Variants in PLCB1 observed in about 807,000 individuals in gnomAD.
PLCB1 encodes 1-phosphatidylinositol 4,5-bisphosphate phosphodiesterase beta-1.
In PLCB1, 46 loss-of-function variants were observed where a neutral mutation model predicts 161.8. That is an observed-to-expected ratio of 0.28 (90% CI 0.22 to 0.36). The LOEUF is 0.36. Ranked by LOEUF, PLCB1 falls within the 10% of genes least tolerant of loss-of-function variation. The pLI, the probability that PLCB1 is intolerant of heterozygous loss-of-function variation, is 1.00. For missense variants in PLCB1, 1,016 were observed against 1,472.5 expected (o/e 0.69, Z 5.07); for synonymous variants, 517 against 503.7 (o/e 1.03, Z -0.35).
intron 31 of PLCB1, among the ~76,000 whole-genome samples, chr20:8,868,818 G>C (rs775843312): frequency 1.3e-5 from 2 of 151,976 alleles, no homozygotes; most frequent in Admixed American, 6.5e-5. Flanking sequence ...ATTTTTAGTA[G>C]AGATGGGATT....
At chr20:8,381,598 T>C (rs546806009) in intron 3 of PLCB1, among the ~76,000 whole-genome samples, 87 of 152,372 alleles carry the variant, frequency 5.7e-4, no homozygotes, top group Non-Finnish European at 1.0e-3. Context: ...TGGTAGGCTA[T>C]TAATTACTGC....
intron 2 of PLCB1, among the ~76,000 whole-genome samples, chr20:8,291,678 G>A (rs987965408): frequency 6.6e-6 from 1 of 152,182 alleles, no homozygotes; most frequent in African/African-American, 2.4e-5. Context: ...AACAAAGGGT[G>A]TGCTCACCGT....
chr20:8,827,663 C>T (rs4816090), intron 31 of PLCB1, among the ~76,000 whole-genome samples: 45,863 of 152,198 alleles, frequency 0.3, 8,040 homozygotes, highest in East Asian at 0.61. Context: ...TCCACAATTA[C>T]GGACAGTTCT....
At chr20:8,503,074 A>G (rs905843246) in intron 3 of PLCB1, among the ~76,000 whole-genome samples, 2 of 152,162 alleles carry the variant, frequency 1.3e-5, no homozygotes, top group Non-Finnish European at 2.9e-5. Flanking sequence ...CTGGACAATG[A>G]TAGAATGAGA....
At chr20:8,693,673 A>G (rs1258124880) in intron 10 of PLCB1, among the ~76,000 whole-genome samples, 1 of 152,216 alleles carries the variant, frequency 6.6e-6, no homozygotes, top group Non-Finnish European at 1.5e-5. Flanking sequence ...AAATATGAAA[A>G]CAGGCAATTA....
intron 2 of PLCB1, among the ~76,000 whole-genome samples, chr20:8,334,926 A>G (rs146709959): frequency 3.3e-5 from 5 of 152,324 alleles, no homozygotes; most frequent in African/African-American, 1.2e-4. Flanking sequence ...AATTAGTCAA[A>G]GTTCAGACAT....
chr20:8,718,373 G>A (rs1311917540), intron 14 of PLCB1, among the ~76,000 whole-genome samples: 1 of 152,248 alleles, frequency 6.6e-6, no homozygotes, highest in South Asian at 2.1e-4. Flanking sequence ...TGTAAGTCAG[G>A]AAGCCCCCTG....
At position 8,657,296 on chromosome 20, in the gene PLCB1, C is replaced by T; in HGVS notation, c.695+12C>T. On this transcript the variant is annotated intron_variant, in intron 8 of 31. Coordinates refer to ENST00000338037, the MANE Select transcript of PLCB1 (RefSeq NM_015192.4). ...ATCTTTTCAGAATTGTAAGAGTACA[C>T]ATTTTAAGCCATATCTTTTTCAGCT... The T allele has an allele frequency of 4.1e-6, 6 of 1,446,876 alleles. No homozygotes were observed. The highest frequency in any genetic ancestry group is 5.8e-6 in the Non-Finnish European group (6 of 1,027,676). The allele number at this position is 1,446,876 out of a possible 1,614,324, so 89.6% of individuals were successfully genotyped here. A position where few individuals can be genotyped will look rare whatever the true frequency, so the allele number is the denominator to read the frequency against.
Position 8,132,322 on chromosome 20 carries a change from C to T in PLCB1, c.-330C>T, listed in dbSNP as rs532302075. 6.6e-3 allele frequency: 1,370 copies of T among 207,664 alleles called. 13 individuals are homozygous for T. Among genetic ancestry groups the T allele is most frequent in the Non-Finnish European group, 9.2e-3 (959 of 104,804 alleles). The allele number at this position is 207,664 out of a possible 1,614,324, so 12.9% of individuals were successfully genotyped here. A position where few individuals can be genotyped will look rare whatever the true frequency, so the allele number is the denominator to read the frequency against. The stretch of plus-strand genomic sequence containing the variant: ...TGCTGAATGGTGCGCTTTGAGGCGG[C>T]GGCGGCGGAGGAGCAGAATCCGCCG... On this transcript the variant is annotated 5_prime_UTR_variant, in exon 1 of 32. Coordinates refer to ENST00000338037, the MANE Select transcript of PLCB1 (RefSeq NM_015192.4). The surrounding 1 kb of genome is among the most constrained non-coding windows in gnomAD (Gnocchi z 5.2).
chr20:8,565,035 C>T (rs1600156688), intron 3 of PLCB1, among the ~76,000 whole-genome samples: 1 of 152,134 alleles, frequency 6.6e-6, no homozygotes, highest in Admixed American at 6.6e-5. Flanking sequence ...GACACATGCA[C>T]ATGTATGTTT....
At chr20:8,329,498 CTGTTTGTT>C (rs898051285) in intron 2 of PLCB1, among the ~76,000 whole-genome samples, 1 of 151,936 alleles carries the variant, frequency 6.6e-6, no homozygotes. Context: ...TTGGTTTTTT[CTGTTTGTT>C]TGTTTGTTTT....
rs759165981 is a variant in PLCB1 at position 8,657,176 on chromosome 20, T to C, written c.595-8T>C. ...ACCATTTGCTGACTCCGTTGTTTTATTTCCCAGAATGATTCAATACCTCAA... is the reference window on the plus strand; with the variant it reads ...ACCATTTGCTGACTCCGTTGTTTTACTTCCCAGAATGATTCAATACCTCAA... On this transcript the variant is annotated splice_polypyrimidine_tract_variant and splice_region_variant and intron_variant, in intron 7 of 31. Transcript: ENST00000338037. 6.4e-7 allele frequency: 1 copy of C among 1,550,406 alleles called. No homozygotes were observed. The highest frequency in any genetic ancestry group is 1.1e-5 in the South Asian group (1 of 89,528).
chr20:8,141,362 G>A (rs529457733), intron 1 of PLCB1, among the ~76,000 whole-genome samples: 58 of 152,196 alleles, frequency 3.8e-4, no homozygotes, highest in African/African-American at 1.3e-3. Flanking sequence ...AGTGGCTCAC[G>A]CCTGTAATCC....
chr20:8,649,791 A>G lies in PLCB1; in HGVS notation c.594+342A>G. On this transcript the variant is annotated intron_variant, in intron 7 of 31. Transcript: ENST00000338037. ...CAGCCTTTGTAACTGTAGGAAATAC[A>G]TTTTGATTCCTATATATTATACAGT... 7.0e-6 allele frequency: 2 copies of G among 287,576 alleles called. 1 individual carries two copies. The highest frequency in any genetic ancestry group is 2.2e-3 in the Middle Eastern group (2 of 926). 17.8% of individuals were successfully genotyped at this position (287,576 alleles called of 1,614,324 possible). A position where few individuals can be genotyped will look rare whatever the true frequency, so the allele number is the denominator to read the frequency against.
chr20:8,272,732 G>A lies in PLCB1; in HGVS notation c.178-98650G>A, dbSNP rs537718380. Among the ~76,000 whole-genome samples, 8 of 152,254 alleles carry A rather than the reference G, an allele frequency of 5.3e-5. No homozygotes were observed. In the East Asian group the frequency reaches 1.5e-3, roughly 29 times the overall value. ...GCACCAAATTTATCAGATATCAGAAGTGTAGTACCTTTTGCTTGTCTCAAA... is the reference window on the plus strand; with the variant it reads ...GCACCAAATTTATCAGATATCAGAAATGTAGTACCTTTTGCTTGTCTCAAA... On this transcript the variant is annotated intron_variant, in intron 2 of 31. Transcript: ENST00000338037.
chr20:8,454,030 A>G (rs1428936205), intron 3 of PLCB1, among the ~76,000 whole-genome samples: 2 of 152,154 alleles, frequency 1.3e-5, no homozygotes, highest in Admixed American at 6.5e-5. Flanking sequence ...GTGAGGAGAC[A>G]GGGGAAGGTG....
intron 2 of PLCB1, among the ~76,000 whole-genome samples, chr20:8,272,171 T>C (rs775667549): frequency 1.3e-5 from 2 of 151,894 alleles, no homozygotes; most frequent in Non-Finnish European, 2.9e-5. Context: ...GAATTGTGTC[T>C]AAGGAAAACG....
intron 2 of PLCB1, among the ~76,000 whole-genome samples, chr20:8,354,805 T>C (rs560845827): frequency 6.6e-6 from 1 of 152,346 alleles, no homozygotes; most frequent in South Asian, 2.1e-4. Context: ...ACTACAGAGC[T>C]AACATTTGAG....
chr20:8,724,623 TG>T, intron 15 of PLCB1, 32 bp from the exon 16 acceptor site: 1 of 1,193,860 alleles, frequency 8.4e-7, no homozygotes, highest in Non-Finnish European at 1.2e-6. Flanking sequence ...ATGCTGACTC[TG>T]GAAATGTTTT....
Sources: gnomAD v4.1 joint callset for allele counts (sites outside exome capture counted in the v4.1 genomes callset) on GRCh38, gnomAD v4.1.1 for gene constraint, Gnocchi (gnomAD v3.1) non-coding constraint, MANE v1.5 for transcripts, NCBI Gene and HGNC (gene_info 2026-07-23, HGNC 2026-07-21) for gene names.